The following GDPD4 variants were observed in gnomAD, a reference collection of about 807,000 sequenced individuals.
The protein encoded by GDPD4 is glycerophosphodiester phosphodiesterase 6.
GDPD4 carries 60 observed loss-of-function variants against 67.8 expected under a neutral mutation model. The observed-to-expected ratio is 0.88, with a 90% CI of 0.72 to 1.10. The LOEUF is 1.10. GDPD4 is among the 50% of genes least tolerant of loss of function. The pLI is 0.00. For synonymous variants in GDPD4, 212 were observed against 210.9 expected (o/e 1.00, Z -0.04); for missense variants, 623 against 613.9 (o/e 1.01, Z -0.16).
intron 13 of GDPD4, among the ~76,000 whole-genome samples, chr11:77,240,197 AAAG>A (rs1299507710): frequency 6.6e-6 from 1 of 152,232 alleles, no homozygotes; most frequent in Non-Finnish European, 1.5e-5. Flanking sequence ...TCTTGTGCAA[AAAG>A]AACAAGGCTG....
chr11:77,236,673 C>T lies in GDPD4; in HGVS notation c.1242-3501G>A, dbSNP rs185831717. ...AATGAAGGGGCCAATTCACCAAGAT[C>T]TAATAATCCTAAGTGAAAATGCACC... On this transcript the variant is annotated intron_variant, in intron 13 of 16. Transcript: ENST00000315938. Among the ~76,000 whole-genome samples the T allele has an allele frequency of 3.8e-4, 58 of 152,040 alleles. 2 individuals carry two copies. The South Asian group carries it at 8.5e-3, about 22-fold the overall frequency.
At chr11:77,226,280 A>C (rs1958336237) in intron 16 of GDPD4, among the ~76,000 whole-genome samples, 1 of 152,062 alleles carries the variant, frequency 6.6e-6, no homozygotes, top group Non-Finnish European at 1.5e-5. Context: ...CCCCAACTCC[A>C]ATTTCATATG....
rs71043564 is a variant in GDPD4, at chr11:77,277,391, C to CTTTTTTTTTTTTTTTTTTTTT, written c.148-1192_148-1172dup. On this transcript the variant is annotated intron_variant, in intron 4 of 16. Transcript: ENST00000315938. Reference sequence around the variant, plus strand: ...ACAAACCTCTTTTCAGCCATGTTTCCTTTTTTTTTTTTTTTTTTTTTTTTT... The same window carrying CTTTTTTTTTTTTTTTTTTTTT: ...ACAAACCTCTTTTCAGCCATGTTTCCTTTTTTTTTTTTTTTTTTTTTTTTTTTTTTTTTTTTTTTTTTTTTT... 2.4e-4 allele frequency among the ~76,000 whole-genome samples: 14 copies of CTTTTTTTTTTTTTTTTTTTTT among 58,328 alleles called. 2 individuals carry two copies. Among genetic ancestry groups the CTTTTTTTTTTTTTTTTTTTTT allele is most frequent in the Non-Finnish European group, 4.3e-4 (14 of 32,392 alleles). 38.3% of individuals were successfully genotyped at this position (58,328 alleles called of 152,430 possible). A position where few individuals can be genotyped will look rare whatever the true frequency, so the allele number is the denominator to read the frequency against.
At chr11:77,293,046 A>C (rs1013051008) in intron 1 of GDPD4, among the ~76,000 whole-genome samples, 11 of 152,226 alleles carry the variant, frequency 7.2e-5, no homozygotes, top group African/African-American at 2.7e-4. Context: ...TTCACTGGTG[A>C]ATTCTACCAA....
rs17751194 is a variant in GDPD4, at chr11:77,233,133, G to A, written c.1281C>T (p.Thr427=). 22,981 of 1,613,844 alleles carry A rather than the reference G, an allele frequency of 0.014. 225 individuals carry two copies. The highest frequency in any genetic ancestry group is 0.028 in the Middle Eastern group (168 of 6,060). ...GTGAGAAAAGCCAAGGCTCATTGAC[G>A]GTGTATACGTTGATATGGATGTTAG... ...KAANIHINVY[T]VNEPWLFSLA... The change falls in exon 14 of 17, where the codon ACC becomes ACT. Residue 427 remains threonine (T), a synonymous_variant. Transcript: ENST00000315938.
intron 1 of GDPD4, among the ~76,000 whole-genome samples, chr11:77,301,364 G>A (rs1938154037): frequency 6.6e-6 from 1 of 151,944 alleles, no homozygotes; most frequent in Non-Finnish European, 1.5e-5. Flanking sequence ...AGTCGAAGCT[G>A]ATTTTTATCC....
chr11:77,282,812 A>G (rs966887088), intron 3 of GDPD4, among the ~76,000 whole-genome samples: 12 of 152,188 alleles, frequency 7.9e-5, no homozygotes, highest in African/African-American at 2.9e-4. Context: ...GCTATTTTTT[A>G]TTTGGAACAT....
chr11:77,243,666 G>A (rs765697797), intron 13 of GDPD4, 28 bp downstream of exon 13: 1 of 1,590,490 alleles, frequency 6.3e-7, no homozygotes, highest in Non-Finnish European at 8.6e-7. Context: ...GGCAATATGT[G>A]CCAAGAGAGG....
chr11:77,288,113 C>T (rs1960068329), intron 1 of GDPD4, among the ~76,000 whole-genome samples: 1 of 152,178 alleles, frequency 6.6e-6, no homozygotes, highest in African/African-American at 2.4e-5. Flanking sequence ...CTACTACCAC[C>T]ACCAATGCCT....
intron 1 of GDPD4, among the ~76,000 whole-genome samples, chr11:77,297,933 T>C (rs1938030511): frequency 6.6e-6 from 1 of 152,150 alleles, no homozygotes; most frequent in Non-Finnish European, 1.5e-5. Context: ...TATAATATAA[T>C]GTAATAACTT....
chr11:77,263,121 A>G (rs1362716797), intron 10 of GDPD4, among the ~76,000 whole-genome samples: 1 of 152,166 alleles, frequency 6.6e-6, no homozygotes, highest in Non-Finnish European at 1.5e-5. Context: ...ACTGTAAAAA[A>G]GATTAAAATA....
chr11:77,251,930 C>T (rs1565523060), intron 11 of GDPD4, among the ~76,000 whole-genome samples: 1 of 152,056 alleles, frequency 6.6e-6, no homozygotes, highest in Non-Finnish European at 1.5e-5. Flanking sequence ...TCAAATGATA[C>T]ATCAAGCTCA....
chr11:77,266,959 T>C lies in GDPD4; in HGVS notation c.707+1498A>G, dbSNP rs181524754. Among the ~76,000 whole-genome samples the C allele has an allele frequency of 2.0e-4, 30 of 152,334 alleles. No homozygotes were observed. The East Asian group carries it at 5.6e-3, about 28-fold the overall frequency. On this transcript the variant is annotated intron_variant, in intron 10 of 16. Transcript: ENST00000315938. ...TGAACAGTGTTTATAAAGTCTTCAG[T>C]AGTGTACATAATGTCCTAGGCCTTC... is the stretch of plus-strand genomic sequence containing the variant.
At chr11:77,292,426 T>C (rs1409549855) in intron 1 of GDPD4, among the ~76,000 whole-genome samples, 1 of 151,924 alleles carries the variant, frequency 6.6e-6, no homozygotes, top group Non-Finnish European at 1.5e-5. Context: ...AAACACAATA[T>C]AGAAACATTT....
rs146273506 is a variant in GDPD4 at position 77,229,438 on chromosome 11, C to T, written c.1390-206G>A. On this transcript the variant is annotated intron_variant, in intron 14 of 16. Transcript: ENST00000315938. ...CAGTCACCCTTATACATGCAGGGGG[C>T]TCTAGAGGGAATAGAACACTTCACA... Among the ~76,000 whole-genome samples the T allele has an allele frequency of 3.3e-5, 5 of 152,282 alleles. No individual in the cohort carries two copies. The East Asian group carries it at 7.7e-4, about 23-fold the overall frequency.
chr11:77,268,253 T>C (rs1959187781), intron 10 of GDPD4, among the ~76,000 whole-genome samples: 1 of 152,092 alleles, frequency 6.6e-6, no homozygotes, highest in Non-Finnish European at 1.5e-5. Context: ...GTCTGATTTG[T>C]AACCCTGTCA....
chr11:77,258,632 C>T, intron 10 of GDPD4, 90 bp from the exon 11 acceptor site: 9 of 1,150,832 alleles, frequency 7.8e-6, no homozygotes, highest in Non-Finnish European at 1.2e-5. Flanking sequence ...CCTTCAAGGT[C>T]ACAAGTGTCA....
chr11:77,227,979 T>G, intron 15 of GDPD4, 63 bp from the exon 16 acceptor site: 1 of 1,083,694 alleles, frequency 9.2e-7, no homozygotes, highest in South Asian at 1.2e-5. Flanking sequence ...TCTTCTAACG[T>G]TCCTCCTCCA....
intron 10 of GDPD4, among the ~76,000 whole-genome samples, chr11:77,262,405 G>T (rs1186407423): frequency 6.6e-6 from 1 of 152,004 alleles, no homozygotes; most frequent in Non-Finnish European, 1.5e-5. Context: ...ATCCTCACAG[G>T]GTTAACAAGA....
Sources: gnomAD v4.1 joint callset for allele counts (sites outside exome capture counted in the v4.1 genomes callset) on GRCh38, gnomAD v4.1.1 for gene constraint, MANE v1.5 for transcripts, NCBI Gene and HGNC (gene_info 2026-07-23, HGNC 2026-07-21) for gene names.